ZNF221: variants seen among roughly 807,000 people sequenced by gnomAD.
The protein encoded by ZNF221 is zinc finger protein 221.
Under a neutral mutation model 12.6 loss-of-function variants are expected in ZNF221, and 10 were observed. The observed-to-expected ratio is 0.79, with a 90% CI of 0.49 to 1.34. The LOEUF (loss-of-function observed/expected upper bound fraction) is 1.34, where lower values mean the gene tolerates loss of function less well. ZNF221 is among the 40% of genes most tolerant of loss of function. ZNF221 has a pLI of 0.00. For synonymous variants in ZNF221, 232 were observed against 244.0 expected (o/e 0.95, Z 0.46); for missense variants, 661 against 721.4 (o/e 0.92, Z 0.96).
chr19:43,952,959 T>G (rs1974698238), intron 1 of ZNF221, among the ~76,000 whole-genome samples: 1 of 152,172 alleles, frequency 6.6e-6, no homozygotes, highest in African/African-American at 2.4e-5. Flanking sequence ...TTATTTTTAT[T>G]TATTTAATTC....
downstream of ZNF221, among the ~76,000 whole-genome samples, chr19:43,972,469 A>G (rs189191383): frequency 4.6e-5 from 7 of 152,200 alleles, no homozygotes; most frequent in African/African-American, 1.7e-4. Flanking sequence ...TAACAAATCC[A>G]GGAGCTGGTT....
Position 43,966,579 on chromosome 19 carries a change from C to T in ZNF221, c.1077C>T (p.Val359=). The change falls in exon 5 of 5, where the codon GTC becomes GTT. Residue 359 remains valine (V), a synonymous_variant. Coordinates refer to ENST00000587682, the MANE Select transcript of ZNF221 (RefSeq NM_001297588.2). ...CAGCACTTAATAGTCATTCCATGGT[C>T]CACATAGAAGAGAAGCCATACAAAT... ...QRSALNSHSM[V]HIEEKPYKCE... is the part of the protein sequence containing the mutation. 6.2e-7 allele frequency: 1 copy of T among 1,614,060 alleles called. No homozygotes were observed. The highest frequency in any genetic ancestry group is 8.5e-7 in the Non-Finnish European group (1 of 1,180,002).
Position 43,966,479 on chromosome 19 carries a change from A to G in ZNF221, c.977A>G (p.Asn326Ser). Residue 326 changes from asparagine (N) to serine (S), a missense_variant, in exon 5 of 5, where the codon AAT becomes AGT. Transcript: ENST00000587682. ...AGCTTCCGTGTTAGATCAAGACTTA[A>G]TAGGCATTCCATGGTTCACACAGGA... ...GKSFRVRSRL[N>S]RHSMVHTGEK... The G allele has an allele frequency of 1.2e-6, 2 of 1,614,226 alleles. No individual in the cohort carries two copies. Among genetic ancestry groups the G allele is most frequent in the Non-Finnish European group, 1.7e-6 (2 of 1,180,046 alleles).
chr19:43,973,606 G>A, the ZNF221 span, among the ~76,000 whole-genome samples: 13 of 151,954 alleles, frequency 8.6e-5, no homozygotes, highest in African/African-American at 2.4e-4. Context: ...ATAAACCAAC[G>A]ACAGGCAAGC....
In ZNF221 at chr19:43,962,944, T is replaced by A. The variant is rs383133; in HGVS notation, c.81+137T>A. 1.1e-5 allele frequency: 8 copies of A among 711,524 alleles called. No individual in the cohort carries two copies. In the East Asian group the frequency reaches 1.5e-4, roughly 14 times the overall value. The allele number at this position is 711,524 out of a possible 1,614,324, so 44.1% of individuals were successfully genotyped here. A position where few individuals can be genotyped will look rare whatever the true frequency, so the allele number is the denominator to read the frequency against. On this transcript the variant is annotated intron_variant, in intron 2 of 4. Coordinates refer to ENST00000587682, the MANE Select transcript of ZNF221 (RefSeq NM_001297588.2). ...TTTGTTTGCCAGATGCTTCCTTTGC[T>A]GCTTTTGAATTGACTTTCCGTTTGG...
the ZNF221 span, among the ~76,000 whole-genome samples, chr19:43,975,666 T>A: frequency 6.6e-6 from 1 of 152,188 alleles, no homozygotes; most frequent in African/African-American, 2.4e-5. Flanking sequence ...AACCTGCACA[T>A]CCTGCACATG....
chr19:43,955,561 C>A (rs1413219183), intron 1 of ZNF221, among the ~76,000 whole-genome samples: 2 of 151,978 alleles, frequency 1.3e-5, no homozygotes, highest in African/African-American at 4.8e-5. Flanking sequence ...TCATGCCTCA[C>A]ATGGGCATCC....
At position 43,966,294 on chromosome 19, in the gene ZNF221, T is replaced by C. The variant is rs749758953; in HGVS notation, c.792T>C (p.His264=). ...FKCGQCGKGF[H]SRSALNVHCK... is the part of the protein sequence containing the mutation. ...GTGGGCAATGTGGGAAAGGCTTCCA[T>C]AGTAGATCAGCACTTAATGTTCATT... Residue 264 remains histidine (H), a synonymous_variant, in exon 5 of 5, where the codon CAT becomes CAC. Transcript: ENST00000587682. 6 of 1,613,334 alleles carry C rather than the reference T, an allele frequency of 3.7e-6. No individual in the cohort carries two copies. The East Asian group carries it at 8.9e-5, about 24-fold the overall frequency.
At chr19:43,962,895 A>G in intron 2 of ZNF221, 88 bp downstream of exon 2, 2 of 1,266,618 alleles carry the variant, frequency 1.6e-6, no homozygotes, top group Non-Finnish European at 2.2e-6. Context: ...AGACTCAAGG[A>G]GAACAACAAG....
the ZNF221 span, among the ~76,000 whole-genome samples, chr19:43,981,190 CTA>C: frequency 4.6e-5 from 7 of 152,110 alleles, no homozygotes; most frequent in South Asian, 2.1e-4. Context: ...CAAAAATGTT[CTA>C]TGTTATTTAA....
the ZNF221 span, among the ~76,000 whole-genome samples, chr19:43,973,122 A>C: frequency 0.092 from 13,921 of 151,946 alleles, 822 homozygotes; most frequent in East Asian, 0.14. Flanking sequence ...AAATGTGATC[A>C]CATAATGAGA....
At chr19:43,969,591 C>T (rs188628633), downstream of ZNF221, among the ~76,000 whole-genome samples, 85 of 152,122 alleles carry the variant, frequency 5.6e-4, no homozygotes, top group East Asian at 8.6e-3. Context: ...GCAGGTGATC[C>T]GCCTGCCTCA....
intron 4 of ZNF221, 61 bp downstream of exon 4, chr19:43,965,386 C>G (rs1974924680): frequency 7.0e-7 from 1 of 1,437,058 alleles, no homozygotes; most frequent in Non-Finnish European, 9.5e-7. Context: ...TACTTCTGTC[C>G]ATGCCTATTT....
chr19:43,953,535 G>A (rs1158375283), intron 1 of ZNF221, among the ~76,000 whole-genome samples: 1 of 152,106 alleles, frequency 6.6e-6, no homozygotes, highest in Non-Finnish European at 1.5e-5. Flanking sequence ...TCCCTTCCCA[G>A]AGGTTGGGGA....
chr19:43,971,497 C>T (rs184565724), downstream of ZNF221, among the ~76,000 whole-genome samples: 12 of 152,012 alleles, frequency 7.9e-5, no homozygotes, highest in African/African-American at 2.7e-4. Flanking sequence ...ATTGATACGC[C>T]GTGTTTAAGA....
chr19:43,980,726 T>A, the ZNF221 span, among the ~76,000 whole-genome samples: 1 of 152,212 alleles, frequency 6.6e-6, no homozygotes, highest in Admixed American at 6.5e-5. Flanking sequence ...TAGCCCTTCC[T>A]ACGATCAAAA....
At chr19:43,970,780 C>T (rs1475083228), downstream of ZNF221, among the ~76,000 whole-genome samples, 2 of 152,046 alleles carry the variant, frequency 1.3e-5, no homozygotes, top group African/African-American at 2.4e-5. Context: ...AAAGACTGAA[C>T]CTATGACTGA....
In ZNF221 at chr19:43,966,032, A is replaced by G. The variant is rs1974943224; in HGVS notation, c.530A>G (p.Gln177Arg). The change falls in exon 5 of 5, where the codon CAG becomes CGG. Residue 177 changes from glutamine (Q) to arginine (R), a missense_variant. Gln to Arg is a conservative substitution (Grantham distance 43). Coordinates refer to ENST00000587682, the MANE Select transcript of ZNF221 (RefSeq NM_001297588.2). ...QKPYRCNECK[Q>R]SFSDVSVFDL... ...CCTTACCGTTGTAATGAATGTAAAC[A>G]GTCCTTCAGTGATGTTTCTGTCTTT... 1.1e-5 allele frequency: 18 copies of G among 1,614,268 alleles called. No individual in the cohort carries two copies. Among genetic ancestry groups the G allele is most frequent in the Non-Finnish European group, 1.4e-5 (17 of 1,180,040 alleles).
intron 1 of ZNF221, among the ~76,000 whole-genome samples, chr19:43,958,206 A>G (rs1424004960): frequency 6.6e-6 from 1 of 152,208 alleles, no homozygotes; most frequent in Non-Finnish European, 1.5e-5. Flanking sequence ...CCAACTCCAC[A>G]TGCCTCTTTT....
Sources: allele counts gnomAD v4.1 joint callset (sites outside exome capture counted in the v4.1 genomes callset), GRCh38; gene constraint gnomAD v4.1.1; transcripts MANE v1.5; gene names NCBI Gene and HGNC (gene_info 2026-07-23, HGNC 2026-07-21).